The following RANBP2 variants were observed in gnomAD, a reference collection of about 807,000 sequenced individuals.
RANBP2 encodes E3 SUMO-protein ligase RanBP2.
RANBP2 carries 57 observed loss-of-function variants against 303.6 expected under a neutral mutation model. That is an observed-to-expected ratio of 0.19 (90% CI 0.15 to 0.23). The LOEUF (loss-of-function observed/expected upper bound fraction) is 0.23. Ranked by LOEUF, RANBP2 falls within the 10% of genes least tolerant of loss-of-function variation. RANBP2 has a pLI of 1.00. For synonymous variants in RANBP2, 1,167 were observed against 1,301.5 expected (o/e 0.90, Z 2.23); for missense variants, 3,138 against 3,780.8 (o/e 0.83, Z 4.46).
At chr2:109,669,068 C>T in the RANBP2 span, among the ~76,000 whole-genome samples, 4 of 152,172 alleles carry the variant, frequency 2.6e-5, no homozygotes, top group South Asian at 2.1e-4. Flanking sequence ...CACAGATTTA[C>T]AGCTAACTCA....
intron 1 of RANBP2, among the ~76,000 whole-genome samples, chr2:108,720,510 G>A (rs1440583841): frequency 6.6e-6 from 1 of 152,166 alleles, no homozygotes; most frequent in Non-Finnish European, 1.5e-5. Flanking sequence ...TGGATCTAAA[G>A]AGTGACGGAA....
the RANBP2 span, among the ~76,000 whole-genome samples, chr2:108,963,428 A>C: frequency 6.6e-6 from 1 of 152,196 alleles, no homozygotes; most frequent in Non-Finnish European, 1.5e-5. Flanking sequence ...GACATTTAAA[A>C]AAATTGAGCT....
chr2:108,968,980 T>TA, the RANBP2 span, among the ~76,000 whole-genome samples: 8 of 152,218 alleles, frequency 5.3e-5, no homozygotes, highest in African/African-American at 1.9e-4. Flanking sequence ...GCAGTTTTGT[T>TA]ATCCTAACTT....
chr2:108,977,477 C>T, the RANBP2 span, among the ~76,000 whole-genome samples: 4 of 152,054 alleles, frequency 2.6e-5, no homozygotes, highest in African/African-American at 7.2e-5. Context: ...TCACTGTGTT[C>T]GCCAGGATGG....
At chr2:109,191,853 A>G in the RANBP2 span, among the ~76,000 whole-genome samples, 26 of 152,294 alleles carry the variant, frequency 1.7e-4, no homozygotes, top group African/African-American at 6.3e-4. Context: ...ATAACCCTTT[A>G]AGGTCACTGA....
At chr2:109,348,476 A>C in the RANBP2 span, among the ~76,000 whole-genome samples, 1 of 152,224 alleles carries the variant, frequency 6.6e-6, no homozygotes, top group African/African-American at 2.4e-5. Flanking sequence ...TGAAGCAAAC[A>C]TTTGGGAGCA....
the RANBP2 span, among the ~76,000 whole-genome samples, chr2:109,396,180 G>A: frequency 6.6e-6 from 1 of 152,208 alleles, no homozygotes; most frequent in Non-Finnish European, 1.5e-5. Context: ...TGGCTCCCAG[G>A]TATTTGGAGA....
At chr2:108,912,703 C>G in the RANBP2 span, 1 of 1,600,234 alleles carries the variant, frequency 6.2e-7, no homozygotes, top group African/African-American at 1.3e-5. Flanking sequence ...GGAAGGGAGA[C>G]AGGGTGCTGC....
chr2:109,121,974 C>G, the RANBP2 span, among the ~76,000 whole-genome samples: 1 of 152,158 alleles, frequency 6.6e-6, no homozygotes, highest in Non-Finnish European at 1.5e-5. Context: ...TGAGTACCTG[C>G]TGGTGTAAAG....
chr2:109,357,428 A>G, the RANBP2 span, among the ~76,000 whole-genome samples: 27,914 of 152,072 alleles, frequency 0.18, 3,166 homozygotes, highest in African/African-American at 0.32. Flanking sequence ...TGATCCACCC[A>G]CCTCGGCCTC....
chr2:109,567,922 G>A, the RANBP2 span: 2 of 1,613,652 alleles, frequency 1.2e-6, no homozygotes, highest in Admixed American at 1.7e-5. Flanking sequence ...TTAAACTTCT[G>A]TAATTCAGTT....
chr2:108,952,607 A>G, the RANBP2 span, among the ~76,000 whole-genome samples: 1 of 152,184 alleles, frequency 6.6e-6, no homozygotes, highest in African/African-American at 2.4e-5. Flanking sequence ...CCATCTGTTC[A>G]CTCATTAAAT....
the RANBP2 span, among the ~76,000 whole-genome samples, chr2:109,049,633 T>C: frequency 2.0e-5 from 3 of 152,342 alleles, no homozygotes; most frequent in Non-Finnish European, 2.9e-5. Context: ...TAACAAGCAC[T>C]ATGGGATCTG....
chr2:109,206,408 G>A, the RANBP2 span, among the ~76,000 whole-genome samples: 1 of 146,246 alleles, frequency 6.8e-6, no homozygotes, highest in African/African-American at 2.5e-5. Context: ...GGAGAGTGGC[G>A]TGAACCTGGG....
chr2:109,464,439 G>A, the RANBP2 span, among the ~76,000 whole-genome samples: 44 of 151,952 alleles, frequency 2.9e-4, no homozygotes, highest in East Asian at 1.6e-3. Context: ...ACACACATTC[G>A]CGTACATATA....
the RANBP2 span, chr2:109,615,050 C>T: frequency 6.5e-7 from 1 of 1,548,872 alleles, no homozygotes; most frequent in South Asian, 1.2e-5. Context: ...AGGAGGCGGA[C>T]AGGGGCAGCT....
In RANBP2 at chr2:108,739,607, G is replaced by A. The variant is rs574248112; in HGVS notation, c.783-882G>A. Among the ~76,000 whole-genome samples the A allele has an allele frequency of 3.2e-3, 486 of 152,234 alleles. 2 individuals are homozygous for A. The highest frequency in any genetic ancestry group is 0.011 in the African/African-American group (445 of 41,532). ...CTTTAAAATCATGCTTCACGTTTAA[G>A]TGTTTGCTTTTTGCTTTTACTTTTC... On this transcript the variant is annotated intron_variant, in intron 6 of 28. Coordinates refer to ENST00000283195, the MANE Select transcript of RANBP2 (RefSeq NM_006267.5).
the RANBP2 span, among the ~76,000 whole-genome samples, chr2:109,515,231 A>G: frequency 6.6e-6 from 1 of 152,280 alleles, no homozygotes; most frequent in Non-Finnish European, 1.5e-5. Context: ...CCAGCACCCC[A>G]TGATGGCGAG....
At chr2:109,489,106 G>A in the RANBP2 span, among the ~76,000 whole-genome samples, 14,922 of 152,200 alleles carry the variant, frequency 0.098, 1,192 homozygotes, top group Admixed American at 0.23. Context: ...TGGAGTTGGA[G>A]GCTGGGATCC....
Sources: allele counts gnomAD v4.1 joint callset (sites outside exome capture counted in the v4.1 genomes callset), GRCh38; gene constraint gnomAD v4.1.1; transcripts MANE v1.5; gene names NCBI Gene and HGNC (gene_info 2026-07-23, HGNC 2026-07-21).